CISH: variants seen among roughly 807,000 people sequenced by gnomAD.
The protein encoded by CISH is cytokine-inducible SH2-containing protein.
A neutral mutation model predicts 21.3 loss-of-function variants in CISH; 11 were observed. The ratio of observed to expected loss-of-function variants is 0.52; its 90% CI spans 0.32 to 0.85. The LOEUF is 0.85. CISH is among the 40% of genes least tolerant of loss of function. The pLI, the probability that CISH is intolerant of heterozygous loss-of-function variation, is 0.03. For missense variants in CISH, 280 were observed against 351.7 expected (o/e 0.80, Z 1.63); for synonymous variants, 118 against 142.3 (o/e 0.83, Z 1.22).
In CISH at chr3:50,607,835, G is replaced by A; in HGVS notation, c.549C>T (p.Ala183=). Reference sequence around the variant, plus strand: ...GCGCATCCTCCTTAGGCATAGGCAGGGCCGGGGTGGGAGCAGGATCGGGGC... The same window carrying A: ...GCGCATCCTCCTTAGGCATAGGCAGAGCCGGGGTGGGAGCAGGATCGGGGC... ...SDSPDPAPTP[A]LPMPKEDAPS... The change falls in exon 3 of 3, where the codon GCC becomes GCT. Residue 183 remains alanine (A), a synonymous_variant. Coordinates refer to ENST00000348721, the MANE Select transcript of CISH (RefSeq NM_145071.4). The A allele has an allele frequency of 6.2e-7, 1 of 1,613,894 alleles. No homozygotes were observed.
chr3:50,607,755 A>G lies in CISH; in HGVS notation c.629T>C (p.Leu210Pro). The G allele has an allele frequency of 6.2e-7, 1 of 1,613,974 alleles. No individual in the cohort carries two copies. Among genetic ancestry groups the G allele is most frequent in the Non-Finnish European group, 8.5e-7 (1 of 1,179,940 alleles). ...GCTTCTGCGTACAAAGGGCTGCACC[A>G]GTTTTAGGTGTACAGCAGTGGCTGG... Reference protein sequence around the residue: ...PPPATAVHLKLVQPFVRRSSA... With the variant: ...PPPATAVHLKPVQPFVRRSSA... Residue 210 changes from leucine (L) to proline (P), a missense_variant, in exon 3 of 3, where the codon CTG becomes CCG. By Grantham distance (98) the Leu-to-Pro change is moderately conservative (BLOSUM62 -3). Transcript: ENST00000348721.
At chr3:50,610,242 G>T in intron 1 of CISH, 1 of 1,031,140 alleles carries the variant, frequency 9.7e-7, no homozygotes, top group Non-Finnish European at 1.5e-6. Flanking sequence ...AACCTCTGTG[G>T]GTGGCCACGT....
chr3:50,610,244 TG>T, intron 1 of CISH: 2 of 1,051,926 alleles, frequency 1.9e-6, no homozygotes, highest in Non-Finnish European at 2.8e-6. Flanking sequence ...CCTCTGTGGG[TG>T]GCCACGTCCA....
At chr3:50,610,519 G>A in intron 1 of CISH, 1 of 1,548,160 alleles carries the variant, frequency 6.5e-7, no homozygotes, top group Non-Finnish European at 8.7e-7. Context: ...AGCTTACAAG[G>A]GGGTGCTCAC....
At position 50,608,597 on chromosome 3, in the gene CISH, G is replaced by C; in HGVS notation, c.21-4C>G. On this transcript the variant is annotated splice_region_variant and splice_polypyrimidine_tract_variant and intron_variant, in intron 1 of 2. Transcript: ENST00000348721. ...CACAGCCAGCAAAGGACGAGGTCTAGAAGGCAGTGGATGAGCAGTGAGTGG... is the reference window on the plus strand; with the variant it reads ...CACAGCCAGCAAAGGACGAGGTCTACAAGGCAGTGGATGAGCAGTGAGTGG... 1 of 1,494,874 alleles carries C rather than the reference G, an allele frequency of 6.7e-7. No homozygotes were observed. The highest frequency in any genetic ancestry group is 8.9e-7 in the Non-Finnish European group (1 of 1,126,100). The allele number at this position is 1,494,874 out of a possible 1,614,324, so 92.6% of individuals were successfully genotyped here. A position where few individuals can be genotyped will look rare whatever the true frequency, so the allele number is the denominator to read the frequency against.
Position 50,611,666 on chromosome 3 carries a change from G to C in CISH, c.-16C>G. On this transcript the variant is annotated 5_prime_UTR_variant, in exon 1 of 3. Coordinates refer to ENST00000348721, the MANE Select transcript of CISH (RefSeq NM_145071.4). ...AGAGGACCATGTCCCCGCGGCAGCG[G>C]CGACTCCGGAGTGGGGACTCGGCTG... The C allele has an allele frequency of 6.7e-7, 1 of 1,484,330 alleles. No homozygotes were observed. The highest frequency in any genetic ancestry group is 1.3e-5 in the South Asian group (1 of 77,424). The allele number at this position is 1,484,330 out of a possible 1,614,324, so 91.9% of individuals were successfully genotyped here. A position where few individuals can be genotyped will look rare whatever the true frequency, so the allele number is the denominator to read the frequency against.
rs753965363 is a variant in CISH at position 50,610,409 on chromosome 3, T to C, written c.20+1222A>G. ...TGTGTCCATGGCTGTGTCATCATCATGGTGGGGACAGTGGCTGGTGTGTTC... is the reference window on the plus strand; with the variant it reads ...TGTGTCCATGGCTGTGTCATCATCACGGTGGGGACAGTGGCTGGTGTGTTC... On this transcript the variant is annotated intron_variant, in intron 1 of 2. Transcript: ENST00000348721. The C allele has an allele frequency of 1.7e-4, 270 of 1,551,468 alleles. No homozygotes were observed. The highest frequency in any genetic ancestry group is 2.2e-4 in the Non-Finnish European group (248 of 1,147,008).
chr3:50,611,543 C>T, intron 1 of CISH, 88 bp downstream of exon 1: 3 of 1,519,852 alleles, frequency 2.0e-6, no homozygotes, highest in Non-Finnish European at 2.6e-6. Context: ...CCGTCAAGCC[C>T]TCCCAATGCC....
chr3:50,611,631 C>T lies in CISH; in HGVS notation c.20G>A (p.Gly7Glu). 1.3e-6 allele frequency: 2 copies of T among 1,514,806 alleles called. No individual in the cohort carries two copies. Among genetic ancestry groups the T allele is most frequent in the Non-Finnish European group, 1.8e-6 (2 of 1,131,616 alleles). 93.8% of individuals were successfully genotyped at this position (1,514,806 alleles called of 1,614,324 possible). A position where few individuals can be genotyped will look rare whatever the true frequency, so the allele number is the denominator to read the frequency against. ...GAAGGGGGCAGAGAGCCGCGCTTAC[C>T]CCTGAACGCAGAGGACCATGTCCCC... is the stretch of plus-strand genomic sequence containing the variant. MVLCVQGPRPLLAVERT... is the reference protein window; with the variant it reads MVLCVQEPRPLLAVERT... Residue 7 changes from glycine to glutamate, a missense_variant and splice_region_variant, in exon 1 of 3, where the codon GGA becomes GAA. By Grantham distance (98) the Gly-to-Glu change is moderately conservative (BLOSUM62 -2). Coordinates refer to ENST00000348721, the MANE Select transcript of CISH (RefSeq NM_145071.4).
Position 50,608,134 on chromosome 3 carries a change from A to C in CISH, c.250T>G (p.Trp84Gly). Residue 84 changes from tryptophan (W) to glycine (G), a missense_variant, in exon 3 of 3, where the codon TGG becomes GGG. Physicochemically the swap from Trp to Gly is radical, Grantham distance 184 (BLOSUM62 -2). Coordinates refer to ENST00000348721, the MANE Select transcript of CISH (RefSeq NM_145071.4). ...GCCTCGCTGGCCGTAATGGAACCCCAATACCAGCCTAGGCAAGTGCAGAGG... is the reference window on the plus strand; with the variant it reads ...GCCTCGCTGGCCGTAATGGAACCCCCATACCAGCCTAGGCAAGTGCAGAGG... ...FSYLRESGWY[W>G]GSITASEARQ... is the part of the protein sequence containing the mutation. The C allele has an allele frequency of 6.2e-7, 1 of 1,603,822 alleles. No homozygotes were observed. Among genetic ancestry groups the C allele is most frequent in the Non-Finnish European group, 8.5e-7 (1 of 1,173,560 alleles).
At chr3:50,610,817 G>A (rs2032302124) in intron 1 of CISH, 3 of 1,101,520 alleles carry the variant, frequency 2.7e-6, no homozygotes, top group African/African-American at 3.2e-5. Flanking sequence ...CTCTCTCCTT[G>A]GAGCTTCCTG....
At chr3:50,611,568 A>T in intron 1 of CISH, 63 bp downstream of exon 1, 1 of 1,525,868 alleles carries the variant, frequency 6.6e-7, no homozygotes, top group Non-Finnish European at 8.8e-7. Flanking sequence ...AGCTAGCACG[A>T]AGCCCCTGTT....
intron 2 of CISH, 90 bp downstream of exon 2, chr3:50,608,283 G>C: frequency 6.8e-7 from 1 of 1,463,642 alleles, no homozygotes; most frequent in Non-Finnish European, 9.3e-7. Flanking sequence ...CCTGGGCCGG[G>C]CTATGCCTCC....
chr3:50,608,286 A>G, intron 2 of CISH, 87 bp downstream of exon 2: 1 of 1,466,002 alleles, frequency 6.8e-7, no homozygotes, highest in Non-Finnish European at 9.3e-7. Flanking sequence ...GGGCCGGGCT[A>G]TGCCTCCCAA....
Position 50,607,157 on chromosome 3 carries a change from C to T in CISH, c.*450G>A. On this transcript the variant is annotated 3_prime_UTR_variant, in exon 3 of 3. Coordinates refer to ENST00000348721, the MANE Select transcript of CISH (RefSeq NM_145071.4). Reference sequence around the variant, plus strand: ...TCCCCTAGCCTGGCTTACCCCTCAACAAGGGGTCACTAGTCACTGTCGATC... The same window carrying T: ...TCCCCTAGCCTGGCTTACCCCTCAATAAGGGGTCACTAGTCACTGTCGATC... 5.3e-6 allele frequency: 1 copy of T among 189,874 alleles called. No individual in the cohort carries two copies. Among genetic ancestry groups the T allele is most frequent in the Non-Finnish European group, 1.1e-5 (1 of 89,806 alleles). 11.8% of individuals were successfully genotyped at this position (189,874 alleles called of 1,614,324 possible). A position where few individuals can be genotyped will look rare whatever the true frequency, so the allele number is the denominator to read the frequency against.
chr3:50,607,483 A>G lies in CISH; in HGVS notation c.*124T>C. The G allele has an allele frequency of 9.7e-7, 1 of 1,030,190 alleles. No individual in the cohort carries two copies. Among genetic ancestry groups the G allele is most frequent in the Non-Finnish European group, 1.4e-6 (1 of 712,972 alleles). 63.8% of individuals were successfully genotyped at this position (1,030,190 alleles called of 1,614,324 possible). On this transcript the variant is annotated 3_prime_UTR_variant, in exon 3 of 3. Coordinates refer to ENST00000348721, the MANE Select transcript of CISH (RefSeq NM_145071.4). ...TGCTCTTGCTGGCTCTTCCTGGGCCAGCTGCCAGAGGTATGCAGGCACCAG... is the reference window on the plus strand; with the variant it reads ...TGCTCTTGCTGGCTCTTCCTGGGCCGGCTGCCAGAGGTATGCAGGCACCAG...
Position 50,607,963 on chromosome 3 carries a change from C to A in CISH, c.421G>T (p.Asp141Tyr). 1 of 1,614,006 alleles carries A rather than the reference C, an allele frequency of 6.2e-7. No homozygotes were observed. Among genetic ancestry groups the A allele is most frequent in the Non-Finnish European group, 8.5e-7 (1 of 1,180,024 alleles). Residue 141 changes from aspartate to tyrosine, a missense_variant, in exon 3 of 3, where the codon GAC becomes TAC. Physicochemically the swap from Asp to Tyr is radical, Grantham distance 160 (BLOSUM62 -3). Transcript: ENST00000348721. ...IEYADSSFRLDSNCLSRPRIL... is the reference protein window; with the variant it reads ...IEYADSSFRLYSNCLSRPRIL... ...CGTGGCCTGGACAAGCAGTTGGAGTCCAGACGGAAGCTGGAGTCGGCATAC... is the reference window on the plus strand; with the variant it reads ...CGTGGCCTGGACAAGCAGTTGGAGTACAGACGGAAGCTGGAGTCGGCATAC...
rs78700237 is a variant in CISH, at chr3:50,607,838, C to A, written c.546G>T (p.Pro182=). The A allele has an allele frequency of 6.8e-6, 11 of 1,613,588 alleles. No homozygotes were observed. The highest frequency in any genetic ancestry group is 8.5e-6 in the Non-Finnish European group (10 of 1,179,970). ...CATCCTCCTTAGGCATAGGCAGGGC[C>A]GGGGTGGGAGCAGGATCGGGGCTGT... The part of the protein sequence containing the change: ...RSDSPDPAPT[P]ALPMPKEDAP... The change falls in exon 3 of 3, where the codon CCG becomes CCT. Residue 182 remains proline (P), a synonymous_variant. Transcript: ENST00000348721.
chr3:50,611,584 G>T, intron 1 of CISH, 47 bp downstream of exon 1: 8 of 1,523,820 alleles, frequency 5.2e-6, no homozygotes, highest in Non-Finnish European at 7.0e-6. Context: ...CTGTTCTCCC[G>T]TGCGCCCCTC....
Sources: allele counts gnomAD v4.1 joint callset, GRCh38; gene constraint gnomAD v4.1.1; transcripts MANE v1.5; gene names NCBI Gene and HGNC (gene_info 2026-07-23, HGNC 2026-07-21).